The following SYNE1 variants were observed in gnomAD, a reference collection of about 807,000 sequenced individuals.
SYNE1 encodes nesprin-1.
SYNE1 carries 616 observed loss-of-function variants against 1,111.0 expected under a neutral mutation model. The ratio of observed to expected loss-of-function variants is 0.55; its 90% CI spans 0.52 to 0.59. The LOEUF (loss-of-function observed/expected upper bound fraction) is 0.59. SYNE1 is among the 20% of genes least tolerant of loss of function. The pLI, the probability that SYNE1 is intolerant of heterozygous loss-of-function variation, is 0.00. For synonymous variants in SYNE1, 3,855 were observed against 3,825.8 expected, an observed-to-expected ratio of 1.01 and a Z score of -0.28; for missense variants, 10,006 against 10,417.0, an observed-to-expected ratio of 0.96 and a Z score of 1.72.
intron 66 of SYNE1, among the ~76,000 whole-genome samples, 155 bp downstream of exon 66, chr6:152,358,218 C>A (rs961805921): frequency 1.3e-5 from 2 of 152,216 alleles, no homozygotes; most frequent in African/African-American, 4.8e-5. Context: ...CTGCTGAGGT[C>A]TCAGAATGTT....
rs1055070356 is a variant in SYNE1, at chr6:152,396,847, T to A, written c.7484A>T (p.Glu2495Val). The A allele has an allele frequency of 1.2e-6, 2 of 1,614,204 alleles. No individual in the cohort carries two copies. The highest frequency in any genetic ancestry group is 8.5e-7 in the Non-Finnish European group (1 of 1,180,020). Residue 2495 changes from glutamate to valine, a missense_variant, in exon 50 of 146, where the codon GAG (glutamate) becomes GTG (valine). Transcript: ENST00000367255. ...GCATTGTTTCAGAAATGCTTGAAAC[T>A]CTTCATTGGCCTTTGTGATTTGTTC... is the stretch of plus-strand genomic sequence containing the variant. ...IQEQITKANE[E>V]FQAFLKQCLK...
At chr6:152,283,420 T>C (rs1460708161) in intron 96 of SYNE1, among the ~76,000 whole-genome samples, 1 of 152,252 alleles carries the variant, frequency 6.6e-6, no homozygotes, top group African/African-American at 2.4e-5. Flanking sequence ...AAGAATTTGC[T>C]TTCCACATTC....
At chr6:152,277,949 A>C in intron 98 of SYNE1, 140 bp downstream of exon 98, 5 of 913,768 alleles carry the variant, frequency 5.5e-6, no homozygotes, top group Non-Finnish European at 7.2e-6. Context: ...TTAAAGCTGC[A>C]TGCTAAAATG....
At chr6:152,308,438 T>G (rs373693919) in intron 91 of SYNE1, 51 bp downstream of exon 91, 92 of 1,612,886 alleles carry the variant, frequency 5.7e-5, no homozygotes, top group Non-Finnish European at 7.0e-5. Context: ...AAACATATAC[T>G]CTAATCAAGC....
chr6:152,309,980 A>G lies in SYNE1; in HGVS notation c.17057T>C (p.Val5686Ala), dbSNP rs1463771150. The G allele has an allele frequency of 6.2e-7, 1 of 1,614,128 alleles. No individual in the cohort carries two copies. The stretch of plus-strand genomic sequence containing the variant: ...ACTCTGGCAGAGCTGCACTGCTTGC[A>G]CCTTCGGCTTCAGTGACTCCATCTC... ...LSEMESLKPK[V>A]QAVQLCQSAL... The change falls in exon 90 of 146, where the codon GTG (valine) becomes GCG (alanine). Residue 5686 changes from valine to alanine, a missense_variant. This residue lies in a region of SYNE1 where 4,955 missense variants were observed against 5,017.2 expected (regional missense o/e 0.99). Transcript: ENST00000367255.
Position 152,498,754 on chromosome 6 carries a change from T to C in SYNE1, c.927A>G (p.Val309=). The stretch of plus-strand genomic sequence containing the variant: ...ACTTAAATCTTACCTTAAAATTTTG[T>C]ACAGAATTTGCAAAAGATGGGAAAC... ...LPGFPSFANS[V]QNFKREDRVI... is the part of the protein sequence containing the mutation. The change falls in exon 11 of 146, where the codon GTA becomes GTG. Residue 309 remains valine (V), a synonymous_variant. Coordinates refer to ENST00000367255, the MANE Select transcript of SYNE1 (RefSeq NM_182961.4). 1 of 1,556,852 alleles carries C rather than the reference T, an allele frequency of 6.4e-7. No homozygotes were observed. Among genetic ancestry groups the C allele is most frequent in the Non-Finnish European group, 8.8e-7 (1 of 1,140,914 alleles).
In SYNE1 at chr6:152,401,092, C is replaced by CT; in HGVS notation, c.7029+45_7029+46insA. 3.2e-6 allele frequency: 5 copies of CT among 1,579,704 alleles called. No individual in the cohort carries two copies. The East Asian group carries it at 1.1e-4, about 35-fold the overall frequency. On this transcript the variant is annotated intron_variant, in intron 47 of 145. Coordinates refer to ENST00000367255, the MANE Select transcript of SYNE1 (RefSeq NM_182961.4). ...TTATAGTCACCACAAAACAGAACTA[C>CT]AATCACCATTTGAATGGAAGCACTT...
At chr6:152,351,978 G>T in intron 70 of SYNE1, 49 bp downstream of exon 70, 1 of 1,564,612 alleles carries the variant, frequency 6.4e-7, no homozygotes, top group Non-Finnish European at 8.8e-7. Context: ...CCTCCCATTT[G>T]GTCTCTGTGT....
At chr6:152,573,955 C>T (rs1051232938) in intron 3 of SYNE1, among the ~76,000 whole-genome samples, 2 of 151,944 alleles carry the variant, frequency 1.3e-5, no homozygotes, top group African/African-American at 4.8e-5. Flanking sequence ...TTTAACTTTA[C>T]GGGCTGTGGG....
At chr6:152,405,601 A>G (rs1209105470) in intron 45 of SYNE1, among the ~76,000 whole-genome samples, 1 of 152,246 alleles carries the variant, frequency 6.6e-6, no homozygotes, top group South Asian at 2.1e-4. Flanking sequence ...TTAAGTTTTA[A>G]TAATGGTTGT....
intron 69 of SYNE1, among the ~76,000 whole-genome samples, chr6:152,352,912 C>T (rs1186529928): frequency 6.6e-6 from 1 of 152,196 alleles, no homozygotes; most frequent in African/African-American, 2.4e-5. Flanking sequence ...ATGTTTCTCT[C>T]ATCCTTAGCA....
chr6:152,302,885 G>C (rs2095247550), intron 91 of SYNE1, among the ~76,000 whole-genome samples: 1 of 151,982 alleles, frequency 6.6e-6, no homozygotes, highest in Non-Finnish European at 1.5e-5. Flanking sequence ...ATTTTATTAA[G>C]AGCTTATTGG....
chr6:152,184,676 A>ATAGT lies in SYNE1; in HGVS notation c.23302-4383_23302-4382insACTA, dbSNP rs1247868784. On this transcript the variant is annotated intron_variant, in intron 128 of 145. Transcript: ENST00000367255. ...GATAGATAGATAGATAGATAGATAGATAAAATATATATTAAATCCCTTGTG... is the reference window on the plus strand; with the variant it reads ...GATAGATAGATAGATAGATAGATAGATAGTTAAAATATATATTAAATCCCTTGTG... Among the ~76,000 whole-genome samples the ATAGT allele has an allele frequency of 2.0e-5, 3 of 151,188 alleles. No individual in the cohort carries two copies. In the East Asian group the frequency reaches 5.8e-4, roughly 29 times the overall value.
At chr6:152,350,817 A>G in intron 70 of SYNE1, 47 bp from the exon 71 acceptor site, 1 of 1,608,772 alleles carries the variant, frequency 6.2e-7, no homozygotes, top group Non-Finnish European at 8.5e-7. Context: ...CTCCGTGGAC[A>G]AGATGAATAC....
At chr6:152,137,379 G>A (rs2057330540) in intron 140 of SYNE1, among the ~76,000 whole-genome samples, 2 of 152,142 alleles carry the variant, frequency 1.3e-5, no homozygotes, top group Admixed American at 6.5e-5. Context: ...GAAAACAGAT[G>A]CCAGGGCCCT....
At chr6:152,626,599 A>G (rs1441111972) in intron 3 of SYNE1, among the ~76,000 whole-genome samples, 1 of 152,190 alleles carries the variant, frequency 6.6e-6, no homozygotes, top group Admixed American at 6.5e-5. Flanking sequence ...AAAGGTCTAG[A>G]CCCATCTATA....
chr6:152,259,192 C>T (rs1264277104), intron 101 of SYNE1, among the ~76,000 whole-genome samples: 1 of 152,160 alleles, frequency 6.6e-6, no homozygotes. Flanking sequence ...AATTTCCATA[C>T]CGATCATAGC....
intron 51 of SYNE1, 67 bp from the exon 52 acceptor site, chr6:152,391,635 G>A: frequency 2.0e-6 from 3 of 1,490,414 alleles, no homozygotes; most frequent in South Asian, 1.3e-5. Flanking sequence ...GCAGGGGAGT[G>A]ACAAATGATT....
chr6:152,458,710 T>G (rs1175305963), intron 22 of SYNE1, 47 bp downstream of exon 22: 2 of 1,597,972 alleles, frequency 1.3e-6, no homozygotes, highest in East Asian at 4.5e-5. Flanking sequence ...CCTGGTCTTG[T>G]TACACATGCT....
Sources: allele counts gnomAD v4.1 joint callset (sites outside exome capture counted in the v4.1 genomes callset), GRCh38; gene constraint gnomAD v4.1.1; regional missense constraint gnomAD v4.1.1; transcripts MANE v1.5; gene names NCBI Gene and HGNC (gene_info 2026-07-23, HGNC 2026-07-21).